Variants in ANKRD36B observed in about 807,000 individuals in gnomAD.
ANKRD36B encodes ankyrin repeat domain-containing protein 36B.
A neutral mutation model predicts 135.7 loss-of-function variants in ANKRD36B; 37 were observed. The ratio of observed to expected loss-of-function variants is 0.27; its 90% CI spans 0.21 to 0.36. The LOEUF (loss-of-function observed/expected upper bound fraction) is 0.36, where lower values mean the gene tolerates loss of function less well. Ranked by LOEUF, ANKRD36B falls within the 10% of genes least tolerant of loss-of-function variation. ANKRD36B has a pLI of 1.00. For missense variants in ANKRD36B, 549 were observed against 1,037.1 expected (o/e 0.53, Z 6.46); for synonymous variants, 179 against 348.1 (o/e 0.51, Z 5.41).
In ANKRD36B at chr2:97,585,296, T is replaced by G. The variant is rs1287260741; in HGVS notation, c.264A>C (p.Thr88=). ...ELNLCDREDR[T]PLIKAVQLRQ... Reference sequence around the variant, plus strand: ...AGCTACTATGTACCTTGATCAGAGGTGTCCTGTCTTCACGGTCGCAGAGGT... The same window carrying G: ...AGCTACTATGTACCTTGATCAGAGGGGTCCTGTCTTCACGGTCGCAGAGGT... The change falls in exon 2 of 44, where the codon ACA becomes ACC. Residue 88 remains threonine, a synonymous_variant. Coordinates refer to ENST00000359901, the MANE Select transcript of ANKRD36B (RefSeq NM_001393939.1). 6.3e-7 allele frequency: 1 copy of G among 1,584,704 alleles called. No individual in the cohort carries two copies. The highest frequency in any genetic ancestry group is 1.8e-5 in the Admixed American group (1 of 55,800).
At position 97,536,348 on chromosome 2, in the gene ANKRD36B, C is replaced by T. The variant is rs1412892697; in HGVS notation, c.2143G>A (p.Val715Ile). ...TTCATTTTGGTGGCTGTATTCAGAACAGAATCTTTATTTTCAATTGTAGCC... is the reference window on the plus strand; with the variant it reads ...TTCATTTTGGTGGCTGTATTCAGAATAGAATCTTTATTTTCAATTGTAGCC... ...LKATIENKDSVLNTATKMKEV... is the reference protein window; with the variant it reads ...LKATIENKDSILNTATKMKEV... The change falls in exon 34 of 44, where the codon GTT (valine) becomes ATT (isoleucine). Residue 715 changes from valine to isoleucine, a missense_variant. Transcript: ENST00000359901. 4.2e-6 allele frequency: 4 copies of T among 943,072 alleles called. 1 individual carries two copies. The African/African-American group carries it at 6.7e-5, about 16-fold the overall frequency. The allele number at this position is 943,072 out of a possible 1,614,324, so 58.4% of individuals were successfully genotyped here.
intron 36 of ANKRD36B, among the ~76,000 whole-genome samples, chr2:97,522,282 A>G (rs922591917): frequency 1.5e-5 from 1 of 68,600 alleles, no homozygotes; most frequent in African/African-American, 4.5e-5. Flanking sequence ...TAAAAGTAAT[A>G]GTATCCAAAT....
At chr2:97,537,872 G>A (rs1387237233) in intron 32 of ANKRD36B, among the ~76,000 whole-genome samples, 1 of 95,958 alleles carries the variant, frequency 1.0e-5, no homozygotes, top group Non-Finnish European at 2.8e-5. Context: ...AACATGCTCT[G>A]AAATAAGAGC....
intron 35 of ANKRD36B, among the ~76,000 whole-genome samples, chr2:97,526,897 G>A (rs1306197296): frequency 1.0e-5 from 1 of 96,336 alleles, no homozygotes; most frequent in East Asian, 2.3e-4. Context: ...AAAAATATGG[G>A]ACTATGTGAA....
Position 97,538,071 on chromosome 2 carries a change from G to C in ANKRD36B, c.2089+97C>G, listed in dbSNP as rs2078978776. 4 of 681,468 alleles carry C rather than the reference G, an allele frequency of 5.9e-6. 1 individual carries two copies. Among genetic ancestry groups the C allele is most frequent in the Non-Finnish European group, 9.6e-6 (4 of 417,004 alleles). 42.2% of individuals were successfully genotyped at this position (681,468 alleles called of 1,614,324 possible). A position where few individuals can be genotyped will look rare whatever the true frequency, so the allele number is the denominator to read the frequency against. ...AATCTCAGGCCTGCTGAATCAGAAA[G>C]TGCATTTTCAATGAGCCCCCTGCTG... On this transcript the variant is annotated intron_variant, in intron 32 of 43. Transcript: ENST00000359901.
At chr2:97,571,366 G>A (rs1478001567) in intron 6 of ANKRD36B, among the ~76,000 whole-genome samples, 3 of 151,862 alleles carry the variant, frequency 2.0e-5, no homozygotes, top group African/African-American at 7.3e-5. Context: ...TGCATTAGTA[G>A]GCTGGGGGCG....
At chr2:97,551,976 C>T (rs1350903384) in intron 16 of ANKRD36B, among the ~76,000 whole-genome samples, 1 of 151,970 alleles carries the variant, frequency 6.6e-6, no homozygotes, top group Non-Finnish European at 1.5e-5. Flanking sequence ...GTACACTTCA[C>T]ATCTCTTCAC....
chr2:97,528,153 G>A lies in ANKRD36B; in HGVS notation c.2265+4158C>T, dbSNP rs1231918607. Among the ~76,000 whole-genome samples, 5 of 95,562 alleles carry A rather than the reference G, an allele frequency of 5.2e-5. 2 individuals are homozygous for A. The highest frequency in any genetic ancestry group is 1.6e-4 in the African/African-American group (5 of 31,704). The allele number at this position is 95,562 out of a possible 152,430, so 62.7% of individuals were successfully genotyped here. A position where few individuals can be genotyped will look rare whatever the true frequency, so the allele number is the denominator to read the frequency against. ...TCCAAAATTGACCACATAGTTGGAAGTAAAGCTCTCCTCAGCAAATGTAAA... is the reference window on the plus strand; with the variant it reads ...TCCAAAATTGACCACATAGTTGGAAATAAAGCTCTCCTCAGCAAATGTAAA... On this transcript the variant is annotated intron_variant, in intron 35 of 43. Coordinates refer to ENST00000359901, the MANE Select transcript of ANKRD36B (RefSeq NM_001393939.1).
At chr2:97,557,207 G>A in intron 10 of ANKRD36B, 75 bp from the exon 11 acceptor site, 1 of 1,497,542 alleles carries the variant, frequency 6.7e-7, no homozygotes, top group Non-Finnish European at 9.0e-7. Context: ...TGCAGTGTTA[G>A]CATCAAGCTG....
At position 97,551,342 on chromosome 2, in the gene ANKRD36B, T is replaced by A; in HGVS notation, c.1322A>T (p.Asp441Val). 6.3e-7 allele frequency: 1 copy of A among 1,590,048 alleles called. No homozygotes were observed. Among genetic ancestry groups the A allele is most frequent in the Non-Finnish European group, 8.5e-7 (1 of 1,170,914 alleles). The change falls in exon 18 of 44, where the codon GAT (aspartate) becomes GTT (valine). Residue 441 changes from aspartate to valine, a missense_variant. Physicochemically the swap from Asp to Val is radical, Grantham distance 152. Transcript: ENST00000359901. Reference sequence around the variant, plus strand: ...TTCTCTGGTTATATTCGAAAAAGAATCTTTCTCATCACTTGTGGCCTGAAT... The same window carrying A: ...TTCTCTGGTTATATTCGAAAAAGAAACTTTCTCATCACTTGTGGCCTGAAT... ...PALKATSDEK[D>V]SFSNITREKK...
Position 97,526,028 on chromosome 2 carries a change from G to C in ANKRD36B, c.2266-2561C>G, listed in dbSNP as rs527581314. ...AACCTCTGCAGACTTAAATGTCCCT[G>C]TCTGACAGCTTTGAAGACAGCAGTG... On this transcript the variant is annotated intron_variant, in intron 35 of 43. Coordinates refer to ENST00000359901, the MANE Select transcript of ANKRD36B (RefSeq NM_001393939.1). Among the ~76,000 whole-genome samples the C allele has an allele frequency of 3.1e-5, 3 of 98,104 alleles. 1 individual carries two copies. Among genetic ancestry groups the C allele is most frequent in the African/African-American group, 9.1e-5 (3 of 32,834 alleles). The allele number at this position is 98,104 out of a possible 152,430, so 64.4% of individuals were successfully genotyped here.
chr2:97,585,150 C>G, intron 2 of ANKRD36B, 33 bp from the exon 3 acceptor site: 2 of 1,612,632 alleles, frequency 1.2e-6, no homozygotes, highest in Non-Finnish European at 1.7e-6. Flanking sequence ...CATGCAAATA[C>G]TGAAAAAATC....
chr2:97,529,235 A>G lies in ANKRD36B; in HGVS notation c.2265+3076T>C, dbSNP rs2078415582. On this transcript the variant is annotated intron_variant, in intron 35 of 43. Coordinates refer to ENST00000359901, the MANE Select transcript of ANKRD36B (RefSeq NM_001393939.1). ...CAAGTGGGCTTCATCCCTGGGATGC[A>G]AGGCTGGTTCAATATACGCAAATCA... is the stretch of plus-strand genomic sequence containing the variant. 2.1e-5 allele frequency among the ~76,000 whole-genome samples: 2 copies of G among 95,460 alleles called. 1 individual carries two copies. Among genetic ancestry groups the G allele is most frequent in the African/African-American group, 6.3e-5 (2 of 31,766 alleles). 62.6% of individuals were successfully genotyped at this position (95,460 alleles called of 152,430 possible).
At chr2:97,529,372 C>T (rs1190802299) in intron 35 of ANKRD36B, among the ~76,000 whole-genome samples, 1 of 94,300 alleles carries the variant, frequency 1.1e-5, no homozygotes, top group Non-Finnish European at 2.8e-5. Flanking sequence ...GCTAAAAACT[C>T]TCAATAAATT....
In ANKRD36B at chr2:97,572,450, T is replaced by A. The variant is rs1388733909; in HGVS notation, c.763+3929A>T. Among the ~76,000 whole-genome samples, 2 of 60,204 alleles carry A rather than the reference T, an allele frequency of 3.3e-5. 1 individual carries two copies. The highest frequency in any genetic ancestry group is 9.9e-5 in the Non-Finnish European group (2 of 20,120). The allele number at this position is 60,204 out of a possible 152,430, so 39.5% of individuals were successfully genotyped here. On this transcript the variant is annotated intron_variant, in intron 6 of 43. Coordinates refer to ENST00000359901, the MANE Select transcript of ANKRD36B (RefSeq NM_001393939.1). ...CGTTTGAAAATTTAGAATTTAAAATTTAAAATTTAAAAAAATTTAAAAGAC... is the reference window on the plus strand; with the variant it reads ...CGTTTGAAAATTTAGAATTTAAAATATAAAATTTAAAAAAATTTAAAAGAC...
At chr2:97,550,925 G>A (rs2079993792) in intron 18 of ANKRD36B, among the ~76,000 whole-genome samples, 1 of 151,844 alleles carries the variant, frequency 6.6e-6, no homozygotes, top group Admixed American at 6.6e-5. Flanking sequence ...TTTTCTGTCT[G>A]TTTTTAGCAC....
chr2:97,552,957 A>T (rs2080195453), intron 16 of ANKRD36B, among the ~76,000 whole-genome samples: 2 of 151,886 alleles, frequency 1.3e-5, no homozygotes, highest in South Asian at 4.1e-4. Flanking sequence ...CAATGTGGGG[A>T]AGTGTATAAT....
At chr2:97,547,854 T>A in intron 20 of ANKRD36B, 123 bp from the exon 21 acceptor site, 1 of 1,401,840 alleles carries the variant, frequency 7.1e-7, no homozygotes, top group South Asian at 1.2e-5. Flanking sequence ...TTTGATGGCT[T>A]CTACTTTGTG....
intron 18 of ANKRD36B, among the ~76,000 whole-genome samples, chr2:97,549,846 T>A (rs529604479): frequency 6.6e-6 from 1 of 152,052 alleles, no homozygotes; most frequent in South Asian, 2.1e-4. Flanking sequence ...ATTTCTCATA[T>A]GTCAAAAACT....
Sources: gnomAD v4.1 joint callset for allele counts (sites outside exome capture counted in the v4.1 genomes callset) on GRCh38, gnomAD v4.1.1 for gene constraint, MANE v1.5 for transcripts, NCBI Gene and HGNC (gene_info 2026-07-23, HGNC 2026-07-21) for gene names.